Variants in TUSC3 observed in about 807,000 individuals in gnomAD.
TUSC3 encodes dolichyl-diphosphooligosaccharide--protein glycosyltransferase subunit TUSC3.
In TUSC3, 45 loss-of-function variants were observed where a neutral mutation model predicts 44.8. The ratio of observed to expected loss-of-function variants is 1.00; its 90% confidence interval spans 0.79 to 1.29. The LOEUF (loss-of-function observed/expected upper bound fraction) is 1.29. TUSC3 is among the 50% of genes most tolerant of loss of function. The pLI is 0.00. For missense variants in TUSC3, 519 were observed against 437.9 expected (o/e 1.19, Z -1.65); for synonymous variants, 212 against 152.9 (o/e 1.39, Z -2.85).
At chr8:15,533,922 T>C (rs1326596166) in intron 2 of TUSC3, among the ~76,000 whole-genome samples, 2 of 152,248 alleles carry the variant, frequency 1.3e-5, no homozygotes, top group East Asian at 1.9e-4. Flanking sequence ...GGAAAGTTTC[T>C]GGTTGGAGGT....
chr8:15,621,767 A>G lies in TUSC3; in HGVS notation c.139-1313A>G, dbSNP rs1390186889. The stretch of plus-strand genomic sequence containing the variant: ...CAGTTGATGCCCTTTGGTTGTGGCA[A>G]AATTGGGTCTTTTAAAAAAAAAACA... On this transcript the variant is annotated intron_variant, in intron 1 of 10. Coordinates refer to ENST00000503731, the MANE Select transcript of TUSC3 (RefSeq NM_006765.4). Among the ~76,000 whole-genome samples the G allele has an allele frequency of 2.1e-5, 3 of 143,582 alleles. No homozygotes were observed. In the East Asian group the frequency reaches 5.9e-4, roughly 28 times the overall value. 94.2% of individuals were successfully genotyped at this position (143,582 alleles called of 152,430 possible). A position where few individuals can be genotyped will look rare whatever the true frequency, so the allele number is the denominator to read the frequency against.
At chr8:15,543,924 G>A (rs754252930) in intron 1 of TUSC3, among the ~76,000 whole-genome samples, 2 of 151,830 alleles carry the variant, frequency 1.3e-5, no homozygotes, top group Non-Finnish European at 1.5e-5. Context: ...GTGTGTGTGT[G>A]TGTGTGTGTG....
chr8:15,788,736 C>T, the TUSC3 span, among the ~76,000 whole-genome samples: 3 of 151,996 alleles, frequency 2.0e-5, no homozygotes, highest in South Asian at 2.1e-4. Context: ...ACAGAATGTG[C>T]CAAGAATGCT....
chr8:15,769,574 T>C (rs11986793), downstream of TUSC3, among the ~76,000 whole-genome samples: 116,795 of 152,126 alleles, frequency 0.77, 45,151 homozygotes, highest in African/African-American at 0.84. Flanking sequence ...CCAAAATTGA[T>C]ACATGGGATC....
Position 15,423,969 on chromosome 8 carries a change from G to GTTTTTTTTTTTTTTTT in TUSC3, n.91+6687_91+6702dup, listed in dbSNP as rs112397215. On this transcript the variant is annotated intron_variant and non_coding_transcript_variant, in intron 1 of 5. Transcript: ENST00000503191. ...TACAGCATTCATACTGTTTTGCTTT[G>GTTTTTTTTTTTTTTTT]TTTTTTTTTTTTTTTTTTTTTTTTT... Among the ~76,000 whole-genome samples the GTTTTTTTTTTTTTTTT allele has an allele frequency of 8.5e-5, 6 of 70,394 alleles. 1 individual carries two copies. The highest frequency in any genetic ancestry group is 1.9e-4 in the Non-Finnish European group (6 of 31,962). 46.2% of individuals were successfully genotyped at this position (70,394 alleles called of 152,430 possible).
intron 2 of TUSC3, among the ~76,000 whole-genome samples, chr8:15,629,694 C>T (rs1222909099): frequency 1.3e-5 from 2 of 148,762 alleles, no homozygotes; most frequent in East Asian, 2.0e-4. Context: ...ATTTAAAAAT[C>T]GTAGTACTTT....
the TUSC3 span, among the ~76,000 whole-genome samples, chr8:15,822,922 G>C: frequency 1.3e-5 from 2 of 152,106 alleles, no homozygotes; most frequent in African/African-American, 4.8e-5. Context: ...AGTCATATCT[G>C]TATAACATAG....
intron 2 of TUSC3, among the ~76,000 whole-genome samples, chr8:15,523,500 C>T (rs1288320485): frequency 7.2e-5 from 11 of 151,734 alleles, no homozygotes; most frequent in Admixed American, 6.6e-4. Flanking sequence ...CTGCTTATTC[C>T]AAATTCTAAG....
chr8:15,479,126 G>A lies in TUSC3; in HGVS notation n.92-4260G>A, dbSNP rs376965439. Among the ~76,000 whole-genome samples the A allele has an allele frequency of 5.5e-4, 84 of 152,136 alleles. 1 individual carries two copies. In the South Asian group the frequency reaches 0.016, roughly 29 times the overall value. On this transcript the variant is annotated intron_variant and non_coding_transcript_variant, in intron 1 of 5. Transcript: ENST00000503191. ...TGTCCTTTGCCTGCTTTTTAATGGG[G>A]TTGTTTGATTTTTTTCTTGTATATT...
At chr8:15,561,591 C>G (rs1049000613) in intron 1 of TUSC3, 5 of 155,644 alleles carry the variant, frequency 3.2e-5, no homozygotes, top group South Asian at 4.1e-4. Context: ...TGGCGGGTGC[C>G]CCTCCCCCAG....
chr8:15,780,297 G>A, the TUSC3 span, among the ~76,000 whole-genome samples: 2 of 152,256 alleles, frequency 1.3e-5, no homozygotes, highest in South Asian at 4.1e-4. Flanking sequence ...AATACAGTTG[G>A]AAAGGAATTC....
chr8:15,800,250 C>T, the TUSC3 span, among the ~76,000 whole-genome samples: 89 of 152,204 alleles, frequency 5.8e-4, no homozygotes, highest in African/African-American at 2.1e-3. Context: ...CTTCTGATAC[C>T]ACCACTTGAC....
chr8:15,779,118 T>TC, the TUSC3 span, among the ~76,000 whole-genome samples: 1 of 50,850 alleles, frequency 2.0e-5, no homozygotes, highest in Non-Finnish European at 3.8e-5. Flanking sequence ...TTTTTTTTTT[T>TC]CCACGTTACT....
intron 1 of TUSC3, among the ~76,000 whole-genome samples, chr8:15,541,165 C>G (rs1801679313): frequency 1.3e-5 from 2 of 152,170 alleles, no homozygotes; most frequent in South Asian, 4.1e-4. Flanking sequence ...TCAGTGTATA[C>G]TTGTGAAAAT....
chr8:15,751,020 G>C (rs151264125), intron 9 of TUSC3, among the ~76,000 whole-genome samples: 120 of 152,298 alleles, frequency 7.9e-4, no homozygotes, highest in African/African-American at 2.8e-3. Flanking sequence ...AGTGTGACCT[G>C]CTGTGTAGAG....
In TUSC3 at chr8:15,534,499, C is replaced by T. The variant is rs190640050; in HGVS notation, n.189+51016C>T. Among the ~76,000 whole-genome samples the T allele has an allele frequency of 8.8e-3, 1,332 of 151,956 alleles. 28 individuals carry two copies. Among genetic ancestry groups the T allele is most frequent in the African/African-American group, 0.029 (1,192 of 41,436 alleles). On this transcript the variant is annotated intron_variant and non_coding_transcript_variant, in intron 2 of 5. Coordinates refer to the TUSC3 transcript ENST00000503191. ...TGTACTAAAAATACAAAAAATTAGC[C>T]GGGCTTGGTGGTGGGCTCCTGTAGT...
At chr8:15,849,795 T>C in the TUSC3 span, among the ~76,000 whole-genome samples, 6 of 124,998 alleles carry the variant, frequency 4.8e-5, no homozygotes, top group African/African-American at 1.6e-4. Flanking sequence ...GGCCTTCTGT[T>C]AGGTTGAAGC....
chr8:15,423,865 T>C (rs537526756), intron 1 of TUSC3, among the ~76,000 whole-genome samples: 3 of 152,072 alleles, frequency 2.0e-5, no homozygotes, highest in African/African-American at 7.2e-5. Context: ...TGTTTCTCTA[T>C]TGAGAGAAGG....
At chr8:15,661,810 A>C (rs1021680207) in intron 4 of TUSC3, among the ~76,000 whole-genome samples, 4 of 152,082 alleles carry the variant, frequency 2.6e-5, no homozygotes, top group African/African-American at 9.6e-5. Flanking sequence ...GTCTATATAT[A>C]TATATATACA....
Sources: allele counts gnomAD v4.1 joint callset (sites outside exome capture counted in the v4.1 genomes callset), GRCh38; gene constraint gnomAD v4.1.1; transcripts MANE v1.5; gene names NCBI Gene and HGNC (gene_info 2026-07-23, HGNC 2026-07-21).